HAPLN1: variants seen among roughly 807,000 people sequenced by gnomAD.
The protein encoded by HAPLN1 is Cartilage link protein.
A neutral mutation model predicts 36.5 loss-of-function variants in HAPLN1; 13 were observed. The observed-to-expected ratio is 0.36, with a 90% confidence interval of 0.23 to 0.57. HAPLN1 has a LOEUF of 0.57. Ranked by LOEUF, HAPLN1 falls within the 20% of genes least tolerant of loss-of-function variation. The probability of loss-of-function intolerance (pLI) is 0.83; values close to 1 mark genes in which losing one functional copy is unlikely to be tolerated. For missense variants in HAPLN1, 407 were observed against 439.7 expected, an observed-to-expected ratio of 0.93 and a Z score of 0.66; for synonymous variants, 202 against 169.8, an observed-to-expected ratio of 1.19 and a Z score of -1.48.
At chr5:83,663,181 C>T (rs1468852282) in intron 2 of HAPLN1, among the ~76,000 whole-genome samples, 2 of 152,098 alleles carry the variant, frequency 1.3e-5, no homozygotes, top group Non-Finnish European at 2.9e-5. Context: ...ATACAGGTTC[C>T]CAGTGATGCT....
chr5:83,648,681 A>G (rs1367829865), intron 3 of HAPLN1, among the ~76,000 whole-genome samples: 1 of 152,032 alleles, frequency 6.6e-6, no homozygotes, highest in Non-Finnish European at 1.5e-5. Flanking sequence ...AGGCATTTAA[A>G]ATGAGATGCT....
chr5:83,680,005 T>C (rs1199027925), intron 1 of HAPLN1, among the ~76,000 whole-genome samples: 2 of 152,208 alleles, frequency 1.3e-5, no homozygotes, highest in Admixed American at 1.3e-4. Context: ...AGGGATAATA[T>C]CAATAATGCT....
chr5:83,696,129 T>A (rs189961641), intron 1 of HAPLN1, among the ~76,000 whole-genome samples: 6 of 152,200 alleles, frequency 3.9e-5, no homozygotes, highest in Admixed American at 2.6e-4. Flanking sequence ...ACACTGGCAA[T>A]GAATAATCAA....
chr5:83,662,269 A>C (rs116592246), intron 2 of HAPLN1, among the ~76,000 whole-genome samples: 175 of 152,340 alleles, frequency 1.1e-3, no homozygotes, highest in African/African-American at 4.0e-3. Flanking sequence ...TGAACTTTTT[A>C]TGAGAAATAC....
intron 3 of HAPLN1, among the ~76,000 whole-genome samples, chr5:83,651,155 G>A (rs2112564720): frequency 6.6e-6 from 1 of 152,054 alleles, no homozygotes; most frequent in East Asian, 1.9e-4. Context: ...ATAAACATAG[G>A]GTTTTAGAAG....
At chr5:83,681,069 T>C (rs1431039473) in intron 1 of HAPLN1, among the ~76,000 whole-genome samples, 1 of 152,196 alleles carries the variant, frequency 6.6e-6, no homozygotes, top group Non-Finnish European at 1.5e-5. Context: ...TTCTTGATTC[T>C]GTGATCAAAA....
rs527305562 is a variant in HAPLN1 at position 83,650,437 on chromosome 5, G to A, written c.472+2016C>T. Among the ~76,000 whole-genome samples, 4 of 151,978 alleles carry A rather than the reference G, an allele frequency of 2.6e-5. No homozygotes were observed. The South Asian group carries it at 8.3e-4, about 32-fold the overall frequency. On this transcript the variant is annotated intron_variant, in intron 3 of 4. Coordinates refer to ENST00000274341, the MANE Select transcript of HAPLN1 (RefSeq NM_001884.4). ...TGGACTATAAGATTGTTGAATGAAA[G>A]AGCAAAGATTGGAATTCTTTCCATC...
At chr5:83,696,201 A>T (rs952041488) in intron 1 of HAPLN1, among the ~76,000 whole-genome samples, 3 of 152,168 alleles carry the variant, frequency 2.0e-5, no homozygotes, top group Non-Finnish European at 4.4e-5. Flanking sequence ...AAAATAGCCA[A>T]CAAATATGCA....
In HAPLN1 at chr5:83,673,548, C is replaced by T; in HGVS notation, c.-25G>A. 2.0e-6 allele frequency: 3 copies of T among 1,529,162 alleles called. No homozygotes were observed. The highest frequency in any genetic ancestry group is 2.7e-6 in the Non-Finnish European group (3 of 1,102,960). 94.7% of individuals were successfully genotyped at this position (1,529,162 alleles called of 1,614,324 possible). On this transcript the variant is annotated splice_region_variant and 5_prime_UTR_variant, in exon 2 of 5. Transcript: ENST00000274341. ...TCTTTATAGCCCAAAGAATCTTCTT[C>T]ACTGCGAGAGCATCACATACAAAGA...
At chr5:83,643,353 TAAAAA>T (rs79459806) in intron 4 of HAPLN1, among the ~76,000 whole-genome samples, 58 of 111,808 alleles carry the variant, frequency 5.2e-4, no homozygotes, top group East Asian at 1.3e-3. Flanking sequence ...TACCCTGTCT[TAAAAA>T]AAAAAAAAAA....
intron 4 of HAPLN1, 69 bp from the exon 5 acceptor site, chr5:83,641,854 A>C (rs75316727): frequency 2.2e-4 from 327 of 1,483,986 alleles, no homozygotes; most frequent in Non-Finnish European, 2.8e-4. Context: ...AGAAAGAGCC[A>C]AAAACGGAAG....
intron 2 of HAPLN1, among the ~76,000 whole-genome samples, chr5:83,663,799 CTTT>C (rs71605866): frequency 1.6e-5 from 2 of 121,882 alleles, no homozygotes; most frequent in Non-Finnish European, 3.4e-5. Flanking sequence ...TCTTCCTTCA[CTTT>C]TTTTTTTTTT....
intron 3 of HAPLN1, among the ~76,000 whole-genome samples, chr5:83,649,990 A>G (rs944953830): frequency 6.6e-6 from 1 of 152,236 alleles, no homozygotes; most frequent in East Asian, 1.9e-4. Flanking sequence ...ATAAGGTGCT[A>G]TGAGAACATC....
intron 1 of HAPLN1, among the ~76,000 whole-genome samples, chr5:83,691,937 C>T (rs1330547804): frequency 6.6e-6 from 1 of 151,732 alleles, no homozygotes; most frequent in African/African-American, 2.4e-5. Flanking sequence ...ATGAAAAAGA[C>T]ATTTACAACC....
intron 2 of HAPLN1, among the ~76,000 whole-genome samples, chr5:83,657,986 C>T (rs1006470282): frequency 2.0e-5 from 3 of 152,002 alleles, no homozygotes; most frequent in African/African-American, 7.3e-5. Flanking sequence ...TTACTTTCAC[C>T]TTGTTGCGCA....
chr5:83,652,872 T>G, intron 2 of HAPLN1, 48 bp from the exon 3 acceptor site: 1 of 1,440,576 alleles, frequency 6.9e-7, no homozygotes, highest in Non-Finnish European at 9.3e-7. Context: ...TAATATACTT[T>G]CAGACATTTT....
At chr5:83,661,827 A>G (rs1339412464) in intron 2 of HAPLN1, among the ~76,000 whole-genome samples, 3 of 152,186 alleles carry the variant, frequency 2.0e-5, no homozygotes, top group Non-Finnish European at 4.4e-5. Context: ...TATAAATTGA[A>G]TGGAATAAAA....
chr5:83,696,044 G>T (rs2112624638), intron 1 of HAPLN1, among the ~76,000 whole-genome samples: 1 of 152,108 alleles, frequency 6.6e-6, no homozygotes, highest in African/African-American at 2.4e-5. Context: ...CTACAAAAAA[G>T]CTACTGTAAC....
intron 3 of HAPLN1, among the ~76,000 whole-genome samples, chr5:83,647,333 C>T (rs1467607195): frequency 6.6e-6 from 1 of 152,124 alleles, no homozygotes; most frequent in Non-Finnish European, 1.5e-5. Context: ...ATTTACTTAA[C>T]AAATTTGAAT....
Sources: allele counts gnomAD v4.1 joint callset (sites outside exome capture counted in the v4.1 genomes callset), GRCh38; gene constraint gnomAD v4.1.1; transcripts MANE v1.5; gene names NCBI Gene and HGNC (gene_info 2026-07-23, HGNC 2026-07-21).